Variants in NRF1 observed in about 807,000 individuals in gnomAD.
NRF1 encodes alpha palindromic-binding protein.
Under a neutral mutation model 58.5 loss-of-function variants are expected in NRF1, and 5 were observed. That is an observed-to-expected ratio of 0.09 (90% CI 0.04 to 0.18). The LOEUF (loss-of-function observed/expected upper bound fraction) is 0.18. Among genes scored for constraint, NRF1 ranks in the 10% least tolerant of loss-of-function variants. The probability of loss-of-function intolerance (pLI) is 1.00; values close to 1 mark genes in which losing one functional copy is unlikely to be tolerated. For synonymous variants in NRF1, 224 were observed against 246.7 expected, an observed-to-expected ratio of 0.91 and a Z score of 0.86; for missense variants, 288 against 657.7, an observed-to-expected ratio of 0.44 and a Z score of 6.15.
At chr7:129,718,558 G>T (rs1339465154) in intron 9 of NRF1, among the ~76,000 whole-genome samples, 1 of 152,174 alleles carries the variant, frequency 6.6e-6, no homozygotes, top group Non-Finnish European at 1.5e-5. Flanking sequence ...TCTTATTGCG[G>T]AGACTGATTT....
chr7:129,640,199 A>G (rs1046152843), intron 1 of NRF1, among the ~76,000 whole-genome samples: 1 of 152,140 alleles, frequency 6.6e-6, no homozygotes, highest in African/African-American at 2.4e-5. Flanking sequence ...TGAAAAATCA[A>G]TTCAACACAC....
intron 1 of NRF1, among the ~76,000 whole-genome samples, chr7:129,613,110 T>C (rs975795796): frequency 5.3e-5 from 8 of 152,342 alleles, no homozygotes; most frequent in African/African-American, 1.9e-4. Flanking sequence ...AGAAAGGTAG[T>C]GTGAGTGAGC....
At chr7:129,754,419 C>T (rs1205208860) in intron 10 of NRF1, among the ~76,000 whole-genome samples, 4 of 138,456 alleles carry the variant, frequency 2.9e-5, no homozygotes, top group African/African-American at 5.5e-5. Flanking sequence ...GCTGTGGTCA[C>T]GCCACTGCAC....
chr7:129,748,026 A>G (rs980988905), intron 10 of NRF1, among the ~76,000 whole-genome samples: 2 of 152,166 alleles, frequency 1.3e-5, no homozygotes, highest in African/African-American at 4.8e-5. Flanking sequence ...CTATAATCCC[A>G]GCACTTTGGG....
intron 1 of NRF1, among the ~76,000 whole-genome samples, chr7:129,636,894 C>A (rs1801179121): frequency 6.6e-6 from 1 of 152,142 alleles, no homozygotes; most frequent in Admixed American, 6.6e-5. Flanking sequence ...GTCTTTTTGA[C>A]AGTTATTGGA....
At chr7:129,617,541 A>G (rs888140101) in intron 1 of NRF1, among the ~76,000 whole-genome samples, 13 of 152,212 alleles carry the variant, frequency 8.5e-5, no homozygotes, top group Admixed American at 2.6e-4. Context: ...CCACTCATTC[A>G]TTCACCTGAC....
intron 7 of NRF1, among the ~76,000 whole-genome samples, 195 bp from the exon 8 acceptor site, chr7:129,711,280 G>A (rs867153986): frequency 9.2e-5 from 14 of 152,158 alleles, no homozygotes; most frequent in Admixed American, 9.2e-4. Flanking sequence ...GACTTATTTG[G>A]TTGAAGTAAA....
intron 4 of NRF1, among the ~76,000 whole-genome samples, chr7:129,682,175 C>T (rs2896421): frequency 1.3e-5 from 2 of 151,904 alleles, no homozygotes; most frequent in Non-Finnish European, 1.5e-5. Context: ...TAAAACCCAC[C>T]ATGGGGGGGC....
At chr7:129,651,054 A>T (rs192739090) in intron 1 of NRF1, among the ~76,000 whole-genome samples, 5 of 152,354 alleles carry the variant, frequency 3.3e-5, no homozygotes, top group East Asian at 3.9e-4. Flanking sequence ...AGTATCATTC[A>T]TAAGTATCCC....
At chr7:129,730,288 G>A (rs1488853761) in intron 10 of NRF1, among the ~76,000 whole-genome samples, 2 of 152,002 alleles carry the variant, frequency 1.3e-5, no homozygotes, top group Non-Finnish European at 2.9e-5. Flanking sequence ...GCCTCCCAAA[G>A]TGCTGGGATT....
intron 1 of NRF1, among the ~76,000 whole-genome samples, chr7:129,639,924 A>G (rs1438763123): frequency 6.6e-6 from 1 of 152,190 alleles, no homozygotes; most frequent in Non-Finnish European, 1.5e-5. Flanking sequence ...TAGCTAAACA[A>G]TTTAATATAG....
At chr7:129,651,195 A>G (rs1252310796) in intron 1 of NRF1, among the ~76,000 whole-genome samples, 8 of 151,966 alleles carry the variant, frequency 5.3e-5, no homozygotes, top group Admixed American at 2.6e-4. Context: ...ACCGAGGCAG[A>G]TGGATCACCT....
intron 2 of NRF1, among the ~76,000 whole-genome samples, chr7:129,670,279 G>A (rs149490440): frequency 6.8e-4 from 104 of 152,294 alleles, no homozygotes; most frequent in African/African-American, 2.2e-3. Context: ...ATGATGTGTT[G>A]TCCACTTTAC....
intron 2 of NRF1, among the ~76,000 whole-genome samples, chr7:129,665,193 G>A (rs959445341): frequency 3.3e-5 from 5 of 152,218 alleles, no homozygotes; most frequent in Non-Finnish European, 5.9e-5. Context: ...AAGGAGGCCA[G>A]TGTGGTTGGA....
intron 2 of NRF1, among the ~76,000 whole-genome samples, chr7:129,660,935 G>A (rs934588990): frequency 4.6e-5 from 7 of 151,172 alleles, no homozygotes; most frequent in Non-Finnish European, 7.3e-5. Context: ...TGAGGGTCCC[G>A]CCCCTGCAGC....
chr7:129,744,377 A>AT, intron 10 of NRF1: 1 of 591,328 alleles, frequency 1.7e-6, no homozygotes, highest in East Asian at 2.9e-5. Flanking sequence ...TTTAGTAACC[A>AT]TTGATTCCAT....
intron 1 of NRF1, among the ~76,000 whole-genome samples, chr7:129,619,478 GTGTGTGTGTGTGTATATATATATATA>G (rs200317326): frequency 0.07 from 2,416 of 34,606 alleles, 62 homozygotes; most frequent in Middle Eastern, 0.17. Context: ...GTGTGTGTGT[GTGTGTGTGTGTGTATATATATATATA>G]TATATATATG....
chr7:129,742,605 A>C (rs546630706), intron 10 of NRF1, among the ~76,000 whole-genome samples: 1 of 152,326 alleles, frequency 6.6e-6, no homozygotes, highest in Admixed American at 6.5e-5. Context: ...AAAGGAAAGA[A>C]CCTGTGACTT....
chr7:129,649,965 C>A (rs2151072094), intron 1 of NRF1, among the ~76,000 whole-genome samples: 1 of 152,148 alleles, frequency 6.6e-6, no homozygotes, highest in Non-Finnish European at 1.5e-5. Context: ...GTTGCCCAGG[C>A]TTGTCTCGAA....
Sources: gnomAD v4.1 joint callset for allele counts (sites outside exome capture counted in the v4.1 genomes callset) on GRCh38, gnomAD v4.1.1 for gene constraint, MANE v1.5 for transcripts, NCBI Gene and HGNC (gene_info 2026-07-23, HGNC 2026-07-21) for gene names.